The following DNAH3 variants were observed in gnomAD, a reference collection of about 807,000 sequenced individuals.
DNAH3 encodes the protein dynein axonemal heavy chain 3.
DNAH3 carries 332 observed loss-of-function variants against 432.5 expected under a neutral mutation model. That is an observed-to-expected ratio of 0.77 (90% CI 0.70 to 0.84). The LOEUF (loss-of-function observed/expected upper bound fraction) is 0.84. Among genes scored for constraint, DNAH3 ranks in the 40% least tolerant of loss-of-function variants. The probability of loss-of-function intolerance (pLI) is 0.00; values close to 1 mark genes in which losing one functional copy is unlikely to be tolerated. For synonymous variants in DNAH3, 1,956 were observed against 1,900.2 expected, an observed-to-expected ratio of 1.03 and a Z score of -0.76; for missense variants, 4,861 against 5,114.0, an observed-to-expected ratio of 0.95 and a Z score of 1.51.
intron 18 of DNAH3, among the ~76,000 whole-genome samples, chr16:21,095,594 T>G (rs1427827900): frequency 6.6e-6 from 1 of 152,206 alleles, no homozygotes. Context: ...ATTGAGTTGA[T>G]GAAATTGCTG....
chr16:21,159,372 A>T, exon 1 of DNAH3: 1 of 1,613,994 alleles, frequency 6.2e-7, no homozygotes, highest in Non-Finnish European at 8.5e-7. Context: ...CTGGCTTTTG[A>T]ACGCTGAAAG....
At chr16:21,014,556 G>A (rs2087769695) in intron 41 of DNAH3, among the ~76,000 whole-genome samples, 1 of 152,158 alleles carries the variant, frequency 6.6e-6, no homozygotes, top group Non-Finnish European at 1.5e-5. Flanking sequence ...AGATAAGGAA[G>A]CCCTTTTTCA....
At chr16:21,047,169 T>C (rs2089739168) in intron 31 of DNAH3, among the ~76,000 whole-genome samples, 1 of 149,100 alleles carries the variant, frequency 6.7e-6, no homozygotes, top group Admixed American at 6.7e-5. Context: ...GTTGCTCTTC[T>C]CGAGGAGTAT....
At chr16:21,100,560 A>G (rs1163021154) in intron 16 of DNAH3, among the ~76,000 whole-genome samples, 1 of 152,212 alleles carries the variant, frequency 6.6e-6, no homozygotes, top group African/African-American at 2.4e-5. Flanking sequence ...GGTGAAACAC[A>G]ATGTCGGGTG....
At position 20,946,548 on chromosome 16, in the gene DNAH3, A is replaced by G. The variant is rs188422892; in HGVS notation, c.11344-1885T>C. 3.3e-3 allele frequency among the ~76,000 whole-genome samples: 503 copies of G among 152,286 alleles called. 7 individuals are homozygous for G. Among genetic ancestry groups the G allele is most frequent in the Non-Finnish European group, 1.7e-3 (115 of 68,022 alleles). On this transcript the variant is annotated intron_variant, in intron 57 of 61. Coordinates refer to ENST00000261383, the Ensembl canonical transcript of DNAH3. ...AATCTCTTCAAATATTTTACAGGGT[A>G]AGAAAGAGACTCTTTTCATCCACAG...
chr16:21,023,786 G>GTGTGT (rs1567654144), intron 39 of DNAH3, among the ~76,000 whole-genome samples: 49 of 146,484 alleles, frequency 3.3e-4, no homozygotes, highest in African/African-American at 1.1e-3. Flanking sequence ...CAGCTTTTGG[G>GTGTGT]GTGTGTGTGT....
chr16:21,155,899 G>T (rs1290277526), intron 1 of DNAH3, among the ~76,000 whole-genome samples: 1 of 152,154 alleles, frequency 6.6e-6, no homozygotes, highest in East Asian at 1.9e-4. Flanking sequence ...ATTCCTGGCA[G>T]CTCATTCCTG....
At chr16:20,949,861 G>C (rs984759002) in intron 56 of DNAH3, among the ~76,000 whole-genome samples, 1 of 152,196 alleles carries the variant, frequency 6.6e-6, no homozygotes, top group Non-Finnish European at 1.5e-5. Context: ...GCTGGTTTAT[G>C]ACCGGCAGGC....
intron 22 of DNAH3, among the ~76,000 whole-genome samples, chr16:21,070,376 G>GGGTTCAAGTGATTCTCCT (rs1765989771): frequency 6.6e-6 from 1 of 151,994 alleles, no homozygotes; most frequent in Non-Finnish European, 1.5e-5. Context: ...TCTGCCTCCT[G>GGGTTCAAGTGATTCTCCT]GGTTCAAGTG....
At chr16:21,083,300 G>C (rs902334209) in intron 19 of DNAH3, among the ~76,000 whole-genome samples, 1 of 152,212 alleles carries the variant, frequency 6.6e-6, no homozygotes, top group African/African-American at 2.4e-5. Flanking sequence ...ACAGGCGTGA[G>C]CCACTGCACC....
At chr16:20,990,730 G>T (rs938601669) in intron 44 of DNAH3, among the ~76,000 whole-genome samples, 7 of 152,086 alleles carry the variant, frequency 4.6e-5, no homozygotes, top group African/African-American at 1.7e-4. Flanking sequence ...TTAAGAAATA[G>T]AATTTTGCCA....
At chr16:21,027,279 C>A (rs1433769649) in intron 37 of DNAH3, 152 bp from the exon 38 acceptor site, 1 of 597,056 alleles carries the variant, frequency 1.7e-6, no homozygotes, top group Non-Finnish European at 3.0e-6. Flanking sequence ...TGCACTAACT[C>A]CTAGGTGCAT....
intron 11 of DNAH3, among the ~76,000 whole-genome samples, chr16:21,118,515 A>G (rs1266060999): frequency 1.3e-5 from 2 of 152,088 alleles, no homozygotes; most frequent in Non-Finnish European, 2.9e-5. Flanking sequence ...CTCCTATGCT[A>G]TGTGACTCCT....
exon 19 of DNAH3, chr16:21,086,938 C>T (rs2152779913): frequency 9.3e-6 from 15 of 1,614,204 alleles, no homozygotes; most frequent in Non-Finnish European, 1.3e-5. Flanking sequence ...TTGATCTTCA[C>T]ATTCTCTGCT....
At chr16:20,964,601 T>A in exon 53 of DNAH3, 4 of 1,614,194 alleles carry the variant, frequency 2.5e-6, no homozygotes, top group Non-Finnish European at 3.4e-6. Flanking sequence ...GCCTTCTCCA[T>A]GTTCTTAATC....
Position 21,140,523 on chromosome 16 carries a change from A to G in DNAH3, c.696+13T>C. ...CTCAGCAAACCGAGGGAAAGGGGGC[A>G]ACAGGAACGTACCTCCAGGTCCGAT... On this transcript the variant is annotated intron_variant, in intron 5 of 61. Transcript: ENST00000261383. 6 of 1,611,506 alleles carry G rather than the reference A, an allele frequency of 3.7e-6. No individual in the cohort carries two copies. The highest frequency in any genetic ancestry group is 5.1e-6 in the Non-Finnish European group (6 of 1,178,050).
At chr16:21,097,734 G>C (rs71374850) in intron 17 of DNAH3, among the ~76,000 whole-genome samples, 3,249 of 152,254 alleles carry the variant, frequency 0.021, 64 homozygotes, top group Non-Finnish European at 0.031. Context: ...TCAGCTACTT[G>C]CCCTATCATC....
chr16:21,037,265 T>C (rs1406617276), intron 34 of DNAH3, among the ~76,000 whole-genome samples: 1 of 152,158 alleles, frequency 6.6e-6, no homozygotes, highest in Non-Finnish European at 1.5e-5. Context: ...GTCGAGATCA[T>C]GCCACTGCAC....
At position 21,067,766 on chromosome 16, in the gene DNAH3, G is replaced by A. The variant is rs540735766; in HGVS notation, c.3382-347C>T. ...TAGAGAAAGCCAGTCTTGGGGGGGGGGGTGGGGAGGGAGAGAGAGAGAGAG... is the reference window on the plus strand; with the variant it reads ...TAGAGAAAGCCAGTCTTGGGGGGGGAGGTGGGGAGGGAGAGAGAGAGAGAG... On this transcript the variant is annotated intron_variant, in intron 23 of 61. Coordinates refer to ENST00000261383, the Ensembl canonical transcript of DNAH3. 1.3e-4 allele frequency among the ~76,000 whole-genome samples: 5 copies of A among 38,766 alleles called. 1 individual carries two copies. Among genetic ancestry groups the A allele is most frequent in the African/African-American group, 6.5e-4 (5 of 7,730 alleles). 25.4% of individuals were successfully genotyped at this position (38,766 alleles called of 152,430 possible).
Sources: allele counts gnomAD v4.1 joint callset (sites outside exome capture counted in the v4.1 genomes callset), GRCh38; gene constraint gnomAD v4.1.1; transcripts MANE v1.5; gene names NCBI Gene and HGNC (gene_info 2026-07-23, HGNC 2026-07-21).